The following BMPR1A variants were observed in gnomAD, a reference collection of about 807,000 sequenced individuals.
BMPR1A encodes the protein bone morphogenetic protein receptor type-1A.
A neutral mutation model predicts 66.0 loss-of-function variants in BMPR1A; 7 were observed. The observed-to-expected ratio is 0.11, with a 90% confidence interval of 0.06 to 0.20. BMPR1A has a LOEUF of 0.20. BMPR1A is among the 10% of genes least tolerant of loss of function. The pLI, the probability that BMPR1A is intolerant of heterozygous loss-of-function variation, is 1.00. For missense variants in BMPR1A, 408 were observed against 669.1 expected, an observed-to-expected ratio of 0.61 and a Z score of 4.31; for synonymous variants, 200 against 229.7, an observed-to-expected ratio of 0.87 and a Z score of 1.17.
chr10:86,902,285 G>T (rs1210778836), intron 7 of BMPR1A, among the ~76,000 whole-genome samples: 3 of 152,036 alleles, frequency 2.0e-5, no homozygotes, highest in Admixed American at 6.5e-5. Flanking sequence ...GAATTGCATA[G>T]ATTTTTTTCT....
intron 10 of BMPR1A, among the ~76,000 whole-genome samples, chr10:86,920,318 C>T (rs547613632): frequency 1.1e-4 from 17 of 152,194 alleles, no homozygotes; most frequent in Non-Finnish European, 2.1e-4. Context: ...TTTACACACC[C>T]GTAAGCAGTA....
intron 1 of BMPR1A, among the ~76,000 whole-genome samples, chr10:86,830,916 GACGGCC>G (rs1425573967): frequency 6.6e-6 from 1 of 151,698 alleles, no homozygotes; most frequent in Non-Finnish European, 1.5e-5. Context: ...TCCAGCCCCA[GACGGCC>G]ACGAATCTAC....
intron 1 of BMPR1A, among the ~76,000 whole-genome samples, chr10:86,830,972 A>G (rs921218593): frequency 9.2e-5 from 14 of 152,096 alleles, no homozygotes; most frequent in Non-Finnish European, 1.8e-4. Flanking sequence ...AATATTTCCT[A>G]TAAGTGGAAT....
At chr10:86,910,323 G>C (rs774812104) in intron 7 of BMPR1A, among the ~76,000 whole-genome samples, 2 of 152,110 alleles carry the variant, frequency 1.3e-5, no homozygotes, top group East Asian at 1.9e-4. Flanking sequence ...GGAGGACAGA[G>C]TAAGACTCCA....
intron 2 of BMPR1A, among the ~76,000 whole-genome samples, chr10:86,872,832 G>T (rs1048016629): frequency 6.6e-6 from 1 of 152,068 alleles, no homozygotes; most frequent in Non-Finnish European, 1.5e-5. Context: ...ACAGTGCATT[G>T]TAGCCTGGAA....
intron 1 of BMPR1A, among the ~76,000 whole-genome samples, chr10:86,827,640 TA>T (rs1191411154): frequency 1.3e-5 from 2 of 152,244 alleles, no homozygotes; most frequent in African/African-American, 4.8e-5. Context: ...AGTTGTGGAA[TA>T]AGCCAGATGA....
intron 1 of BMPR1A, among the ~76,000 whole-genome samples, chr10:86,766,617 C>CT (rs71019427): frequency 0.43 from 56,755 of 131,006 alleles, 13,098 homozygotes; most frequent in East Asian, 0.73. Context: ...TCATATCAGT[C>CT]TTTTTTTTTT....
rs1014155721 is a variant in BMPR1A, at chr10:86,925,834, T to G, written c.*2115T>G. 1 of 158,200 alleles carries G rather than the reference T, an allele frequency of 6.3e-6. No homozygotes were observed. Among genetic ancestry groups the G allele is most frequent in the East Asian group, 1.5e-4 (1 of 6,550 alleles). 9.8% of individuals were successfully genotyped at this position (158,200 alleles called of 1,614,324 possible). A position where few individuals can be genotyped will look rare whatever the true frequency, so the allele number is the denominator to read the frequency against. On this transcript the variant is annotated 3_prime_UTR_variant, in exon 13 of 13. Coordinates refer to ENST00000372037, the MANE Select transcript of BMPR1A (RefSeq NM_004329.3). ...GCTCCGCTTCCCGGGTTCACGCCAT[T>G]CTCCTGCCTCAGCCTCCCGAGTAGC...
At chr10:86,790,222 T>TATATAAAAAA (rs1554878871) in intron 1 of BMPR1A, among the ~76,000 whole-genome samples, 1 of 57,156 alleles carries the variant, frequency 1.7e-5, no homozygotes, top group African/African-American at 6.1e-5. Flanking sequence ...TATATATATA[T>TATATAAAAAA]ATATATATAT....
At chr10:86,803,557 G>A (rs1388120450) in intron 1 of BMPR1A, among the ~76,000 whole-genome samples, 2 of 152,020 alleles carry the variant, frequency 1.3e-5, no homozygotes, top group East Asian at 3.8e-4. Flanking sequence ...GTAAGGATCC[G>A]ACTTAATTTT....
At chr10:86,861,050 C>T (rs1173758214) in intron 2 of BMPR1A, among the ~76,000 whole-genome samples, 1 of 151,888 alleles carries the variant, frequency 6.6e-6, no homozygotes. Flanking sequence ...ACCATGTTAG[C>T]CAGGATGGTC....
chr10:86,821,739 C>T (rs1489961539), intron 1 of BMPR1A, among the ~76,000 whole-genome samples: 1 of 152,162 alleles, frequency 6.6e-6, no homozygotes, highest in Non-Finnish European at 1.5e-5. Context: ...ATAAGGGGAT[C>T]ACTGTGACAT....
At chr10:86,759,245 T>C (rs1160048957) in intron 1 of BMPR1A, among the ~76,000 whole-genome samples, 1 of 152,214 alleles carries the variant, frequency 6.6e-6, no homozygotes, top group Non-Finnish European at 1.5e-5. Flanking sequence ...CCGCCACTTT[T>C]CTGCCTTCTG....
downstream of BMPR1A, chr10:86,931,832 C>T (rs1376649670): frequency 6.6e-6 from 1 of 152,108 alleles, no homozygotes; most frequent in Non-Finnish European, 1.5e-5. Flanking sequence ...TTTGTTTCTT[C>T]CCTTTTTTCT....
chr10:86,922,254 T>TGATA (rs1256127965), intron 11 of BMPR1A, among the ~76,000 whole-genome samples: 1 of 152,266 alleles, frequency 6.6e-6, no homozygotes, highest in Non-Finnish European at 1.5e-5. Flanking sequence ...TCTGGCTGAA[T>TGATA]GATACTCCAT....
intron 1 of BMPR1A, among the ~76,000 whole-genome samples, chr10:86,811,189 C>T (rs1841965172): frequency 6.6e-6 from 1 of 152,096 alleles, no homozygotes; most frequent in Non-Finnish European, 1.5e-5. Flanking sequence ...CAGGTACACA[C>T]CACCACACCC....
At chr10:86,759,794 G>A (rs1841003337) in intron 1 of BMPR1A, among the ~76,000 whole-genome samples, 1 of 152,072 alleles carries the variant, frequency 6.6e-6, no homozygotes, top group African/African-American at 2.4e-5. Context: ...TGACCATTTA[G>A]GCCTAGATCT....
At chr10:86,826,739 C>T (rs930875959) in intron 1 of BMPR1A, among the ~76,000 whole-genome samples, 1 of 151,262 alleles carries the variant, frequency 6.6e-6, no homozygotes, top group Non-Finnish European at 1.5e-5. Flanking sequence ...TTTTAATATA[C>T]TTCTGTTAAA....
chr10:86,788,230 G>A (rs528830788), intron 1 of BMPR1A, among the ~76,000 whole-genome samples: 17 of 152,176 alleles, frequency 1.1e-4, no homozygotes, highest in African/African-American at 3.1e-4. Context: ...GGCCCATTCC[G>A]TTAGAGCATA....
Sources: gnomAD v4.1 joint callset for allele counts (sites outside exome capture counted in the v4.1 genomes callset) on GRCh38, gnomAD v4.1.1 for gene constraint, MANE v1.5 for transcripts, NCBI Gene and HGNC (gene_info 2026-07-23, HGNC 2026-07-21) for gene names.